Variants in SH3RF1 observed in about 807,000 individuals in gnomAD.
SH3RF1 encodes the protein E3 ubiquitin-protein ligase SH3RF1.
SH3RF1 carries 32 observed loss-of-function variants against 74.0 expected under a neutral mutation model. The ratio of observed to expected loss-of-function variants is 0.43; its 90% CI spans 0.33 to 0.58. The LOEUF (loss-of-function observed/expected upper bound fraction) is 0.58, where lower values mean the gene tolerates loss of function less well. Among genes scored for constraint, SH3RF1 ranks in the 20% least tolerant of loss-of-function variants. The probability of loss-of-function intolerance (pLI) is 0.05; values close to 1 mark genes in which losing one functional copy is unlikely to be tolerated. For synonymous variants in SH3RF1, 396 were observed against 439.6 expected (o/e 0.90, Z 1.24); for missense variants, 954 against 1,130.9 (o/e 0.84, Z 2.24).
At chr4:169,130,190 CTA>C (rs1296469714) in intron 5 of SH3RF1, 34 bp from the exon 6 acceptor site, 10 of 1,415,372 alleles carry the variant, frequency 7.1e-6, no homozygotes, top group African/African-American at 4.4e-5. Context: ...AAAAAGAAGA[CTA>C]TGTTTAATAC....
At chr4:169,255,382 T>C (rs1255534762) in intron 2 of SH3RF1, among the ~76,000 whole-genome samples, 1 of 152,186 alleles carries the variant, frequency 6.6e-6, no homozygotes, top group Non-Finnish European at 1.5e-5. Context: ...TATCTGTTTA[T>C]ATATGTCACA....
intron 10 of SH3RF1, among the ~76,000 whole-genome samples, chr4:169,109,602 G>C (rs1733206765): frequency 6.6e-6 from 1 of 152,158 alleles, no homozygotes; most frequent in Non-Finnish European, 1.5e-5. Context: ...TATGTTAGCA[G>C]AAGAATGTTC....
At chr4:169,205,569 C>T (rs1025703100) in intron 2 of SH3RF1, among the ~76,000 whole-genome samples, 5 of 152,190 alleles carry the variant, frequency 3.3e-5, no homozygotes, top group Admixed American at 3.3e-4. Context: ...TGAGCATATC[C>T]TTCTTGGGTT....
At position 169,269,884 on chromosome 4, in the gene SH3RF1, C is replaced by G. The variant is rs1731417908; in HGVS notation, c.-95-577G>C. Reference sequence around the variant, plus strand: ...CAAAAAGAGCTGAAGGTTGACAATTCTAAAAGACACAGATTTGCTTGAAAG... The same window carrying G: ...CAAAAAGAGCTGAAGGTTGACAATTGTAAAAGACACAGATTTGCTTGAAAG... On this transcript the variant is annotated intron_variant, in intron 1 of 11. Coordinates refer to ENST00000284637, the MANE Select transcript of SH3RF1 (RefSeq NM_020870.4). 2.0e-5 allele frequency: 3 copies of G among 152,332 alleles called. No individual in the cohort carries two copies. In the South Asian group the frequency reaches 6.2e-4, roughly 32 times the overall value. The allele number at this position is 152,332 out of a possible 1,614,324, so 9.4% of individuals were successfully genotyped here. A position where few individuals can be genotyped will look rare whatever the true frequency, so the allele number is the denominator to read the frequency against.
In SH3RF1 at chr4:169,116,413, A is replaced by G. The variant is rs2126943031; in HGVS notation, c.1995T>C (p.Thr665=). ...PLACAAAAPL[T]SPSITSASLE... ...GAGAAGCACTGGTGATGCTTGGGGA[A>G]GTCAGTGGAGCAGCTGCTGCACAGG... The change falls in exon 10 of 12, where the codon ACT becomes ACC. Residue 665 remains threonine, a synonymous_variant. Transcript: ENST00000284637. 1 of 1,614,160 alleles carries G rather than the reference A, an allele frequency of 6.2e-7. No individual in the cohort carries two copies. Among genetic ancestry groups the G allele is most frequent in the African/African-American group, 1.3e-5 (1 of 75,036 alleles).
At position 169,102,688 on chromosome 4, in the gene SH3RF1, T is replaced by G. The variant is rs149094170; in HGVS notation, c.2498+4159A>C. Among the ~76,000 whole-genome samples the G allele has an allele frequency of 5.1e-3, 781 of 152,252 alleles. 5 individuals carry two copies. Among genetic ancestry groups the G allele is most frequent in the African/African-American group, 0.017 (720 of 41,552 alleles). On this transcript the variant is annotated intron_variant, in intron 11 of 11. Coordinates refer to ENST00000284637, the MANE Select transcript of SH3RF1 (RefSeq NM_020870.4). Reference sequence around the variant, plus strand: ...GTTCTATTGTTTCTGCTGTCATCAATTATACATTTTCTGCCTCCAGGATAT... The same window carrying G: ...GTTCTATTGTTTCTGCTGTCATCAAGTATACATTTTCTGCCTCCAGGATAT...
chr4:169,195,169 G>T (rs935075289), intron 2 of SH3RF1, among the ~76,000 whole-genome samples: 1 of 152,100 alleles, frequency 6.6e-6, no homozygotes, highest in Non-Finnish European at 1.5e-5. Flanking sequence ...CATACTTGAA[G>T]AATATGGTTG....
chr4:169,206,941 G>A (rs867004971), intron 2 of SH3RF1, among the ~76,000 whole-genome samples: 4 of 152,064 alleles, frequency 2.6e-5, no homozygotes, highest in African/African-American at 9.7e-5. Flanking sequence ...ATACTGGCAT[G>A]AACAACATAG....
At position 169,117,642 on chromosome 4, in the gene SH3RF1, C is replaced by G. The variant is rs749046864; in HGVS notation, c.1658G>C (p.Ser553Thr). Residue 553 changes from serine to threonine, a missense_variant, in exon 9 of 12, where the codon AGT becomes ACT. Physicochemically the swap from Ser to Thr is moderately conservative, Grantham distance 58. This residue lies in a region of SH3RF1 where 854 missense variants were observed against 962.5 expected (regional missense o/e 0.89). Transcript: ENST00000284637. ...TGATACCACAGCTGCGGGGACAACA[C>G]TGGGACTCCCAGCCACGCCATTTCC... ...LQGNGVAGSP[S>T]VVPAAVVSAA... 1 of 1,614,212 alleles carries G rather than the reference C, an allele frequency of 6.2e-7. No individual in the cohort carries two copies. The highest frequency in any genetic ancestry group is 2.2e-5 in the East Asian group (1 of 44,882).
intron 11 of SH3RF1, among the ~76,000 whole-genome samples, chr4:169,099,008 G>A (rs1217179377): frequency 3.3e-5 from 5 of 152,184 alleles, no homozygotes; most frequent in East Asian, 1.9e-4. Context: ...ACTAGGAAAC[G>A]AACTCAGGCC....
chr4:169,131,452 A>G (rs1438124765), intron 5 of SH3RF1, among the ~76,000 whole-genome samples: 1 of 152,190 alleles, frequency 6.6e-6, no homozygotes, highest in South Asian at 2.1e-4. Context: ...TATGTTGAGC[A>G]GGCTGGTCTT....
intron 5 of SH3RF1, among the ~76,000 whole-genome samples, chr4:169,131,426 T>A (rs548591071): frequency 6.6e-6 from 1 of 152,320 alleles, no homozygotes; most frequent in East Asian, 1.9e-4. Context: ...ACACTTCTTA[T>A]TAGACAGAGT....
At chr4:169,137,694 G>A (rs1733721187) in intron 4 of SH3RF1, among the ~76,000 whole-genome samples, 1 of 152,062 alleles carries the variant, frequency 6.6e-6, no homozygotes, top group Non-Finnish European at 1.5e-5. Context: ...TTCTCATCCT[G>A]TTGATAAGAT....
At chr4:169,162,989 A>G (rs1300053654) in intron 2 of SH3RF1, among the ~76,000 whole-genome samples, 2 of 152,068 alleles carry the variant, frequency 1.3e-5, no homozygotes, top group Non-Finnish European at 2.9e-5. Context: ...ACCATCGCTA[A>G]TGGAGTGTCT....
chr4:169,106,930 T>C lies in SH3RF1; in HGVS notation c.2415A>G (p.Ala805=), dbSNP rs765325730. ...FHRKASSLDS[A]VPIAPPPRQA... is the part of the protein sequence containing the mutation. ...GGCGAGGAGGTGGAGCGATGGGAACTGCGGAGTCCAGGGAACTTGCCTTCC... is the reference window on the plus strand; with the variant it reads ...GGCGAGGAGGTGGAGCGATGGGAACCGCGGAGTCCAGGGAACTTGCCTTCC... The change falls in exon 11 of 12, where the codon GCA becomes GCG. Residue 805 remains alanine, a synonymous_variant. Coordinates refer to ENST00000284637, the MANE Select transcript of SH3RF1 (RefSeq NM_020870.4). 1.2e-6 allele frequency: 2 copies of C among 1,613,796 alleles called. No individual in the cohort carries two copies. The highest frequency in any genetic ancestry group is 1.7e-6 in the Non-Finnish European group (2 of 1,180,018).
chr4:169,266,642 G>T (rs1234689386), intron 2 of SH3RF1, among the ~76,000 whole-genome samples: 1 of 126,852 alleles, frequency 7.9e-6, no homozygotes, highest in Non-Finnish European at 1.7e-5. Context: ...TGGGGGAGGG[G>T]TAGCAGGGGG....
At chr4:169,196,058 C>G (rs1186425533) in intron 2 of SH3RF1, among the ~76,000 whole-genome samples, 1 of 152,202 alleles carries the variant, frequency 6.6e-6, no homozygotes, top group Non-Finnish European at 1.5e-5. Context: ...AGGTGACCCA[C>G]TCACCTTTGG....
chr4:169,223,393 A>C (rs1249421835), intron 2 of SH3RF1, among the ~76,000 whole-genome samples: 2 of 152,210 alleles, frequency 1.3e-5, no homozygotes, highest in Non-Finnish European at 2.9e-5. Flanking sequence ...GTGGTGGCTA[A>C]AATGGCCCTA....
At chr4:169,259,342 TCTA>T (rs1731238528) in intron 2 of SH3RF1, among the ~76,000 whole-genome samples, 1 of 152,114 alleles carries the variant, frequency 6.6e-6, no homozygotes, top group Non-Finnish European at 1.5e-5. Context: ...ACGCAAATAA[TCTA>T]CTATTTAACT....
Sources: gnomAD v4.1 joint callset for allele counts (sites outside exome capture counted in the v4.1 genomes callset) on GRCh38, gnomAD v4.1.1 for gene constraint, gnomAD v4.1.1 regional missense constraint, MANE v1.5 for transcripts, NCBI Gene and HGNC (gene_info 2026-07-23, HGNC 2026-07-21) for gene names.